Variants in PTGDS observed in about 807,000 individuals in gnomAD.
PTGDS encodes the protein prostaglandin-H2 D-isomerase.
PTGDS carries 21 observed loss-of-function variants against 28.4 expected under a neutral mutation model. The ratio of observed to expected loss-of-function variants is 0.74; its 90% confidence interval spans 0.52 to 1.07. The LOEUF (loss-of-function observed/expected upper bound fraction) is 1.07. Ranked by LOEUF, PTGDS falls within the 50% of genes least tolerant of loss-of-function variation. PTGDS has a pLI of 0.00. For synonymous variants in PTGDS, 102 were observed against 106.0 expected (o/e 0.96, Z 0.23); for missense variants, 243 against 247.7 (o/e 0.98, Z 0.13).
At position 136,979,314 on chromosome 9, in the gene PTGDS, C is replaced by T; in HGVS notation, c.331+15C>T. The T allele has an allele frequency of 6.2e-7, 1 of 1,604,186 alleles. No homozygotes were observed. The highest frequency in any genetic ancestry group is 8.5e-7 in the Non-Finnish European group (1 of 1,175,896). On this transcript the variant is annotated intron_variant, in intron 3 of 6. Coordinates refer to ENST00000371625, the MANE Select transcript of PTGDS (RefSeq NM_000954.6). ...CCGGAGTCCCCGTGAGTGGGGCCTC[C>T]ACCGGCCCCCTGGGCCCAGCCTGGG...
At position 136,980,165 on chromosome 9, in the gene PTGDS, G is replaced by A. The variant is rs773443212; in HGVS notation, c.449-18G>A. 3.6e-5 allele frequency: 58 copies of A among 1,612,984 alleles called. 1 individual carries two copies. The East Asian group carries it at 4.7e-4, about 13-fold the overall frequency. Reference sequence around the variant, plus strand: ...CATCCCCCCCGCTGAGGCCAGCTCCGTCTCCACCCTGTCCCAGGCCGAACC... The same window carrying A: ...CATCCCCCCCGCTGAGGCCAGCTCCATCTCCACCCTGTCCCAGGCCGAACC... On this transcript the variant is annotated intron_variant, in intron 4 of 6. Coordinates refer to ENST00000371625, the MANE Select transcript of PTGDS (RefSeq NM_000954.6).
chr9:136,978,502 C>CAT (rs1830402775), intron 1 of PTGDS, among the ~76,000 whole-genome samples: 1 of 7,662 alleles, frequency 1.3e-4, no homozygotes, highest in Non-Finnish European at 2.5e-4. Context: ...TCTCCTGGGG[C>CAT]GGGGCGTGAG....
At chr9:136,977,777 A>ACTTCGCTCACTCCTCCCAGG in intron 1 of PTGDS, 85 bp downstream of exon 1, 1 of 1,268,256 alleles carries the variant, frequency 7.9e-7, no homozygotes, top group Non-Finnish European at 1.1e-6. Flanking sequence ...TCCCCCTGGG[A>ACTTCGCTCACTCCTCCCAGG]GGAGTGAGCG....
At chr9:136,979,454 A>T in intron 3 of PTGDS, 155 bp downstream of exon 3, 1 of 1,545,550 alleles carries the variant, frequency 6.5e-7, no homozygotes, top group Admixed American at 2.0e-5. Context: ...GGGCGTGACT[A>T]CCCATGCACA....
rs1218373607 is a variant in PTGDS at position 136,977,559 on chromosome 9, A to G, written c.-20A>G. The G allele has an allele frequency of 1.3e-6, 2 of 1,560,436 alleles. No homozygotes were observed. The highest frequency in any genetic ancestry group is 4.6e-5 in the East Asian group (2 of 43,160). ...ACACCACTGGCACCAGGCCCCGGAC[A>G]CCCGCTCTGCTGCAGGAGAATGGCT... On this transcript the variant is annotated 5_prime_UTR_variant, in exon 1 of 7. Coordinates refer to ENST00000371625, the MANE Select transcript of PTGDS (RefSeq NM_000954.6).
rs769704625 is a variant in PTGDS, at chr9:136,979,057, C to T, written c.179C>T (p.Ala60Val). 3.7e-6 allele frequency: 6 copies of T among 1,608,118 alleles called. No individual in the cohort carries two copies. Among genetic ancestry groups the T allele is most frequent in the Non-Finnish European group, 4.2e-6 (5 of 1,177,048 alleles). Reference protein sequence around the residue: ...SNSSWLREKKAALSMCKSVVA... With the variant: ...SNSSWLREKKVALSMCKSVVA... The stretch of plus-strand genomic sequence containing the variant: ...TCGAGCTGGCTCCGGGAGAAGAAGG[C>T]GGCGTTGTCCATGTGCAAGTCTGTG... The change falls in exon 2 of 7, where the codon GCG becomes GTG. Residue 60 changes from alanine (A) to valine (V), a missense_variant. Physicochemically the swap from Ala to Val is moderately conservative, Grantham distance 64. Transcript: ENST00000371625.
At chr9:136,977,752 T>C (rs1830384809) in intron 1 of PTGDS, 60 bp downstream of exon 1, 1 of 1,411,960 alleles carries the variant, frequency 7.1e-7, no homozygotes, top group African/African-American at 1.5e-5. Flanking sequence ...GGAAGGGCAC[T>C]TTCCGGCTGG....
chr9:136,978,543 G>T (rs1205291386), intron 1 of PTGDS, among the ~76,000 whole-genome samples: 1 of 136,594 alleles, frequency 7.3e-6, no homozygotes, highest in Non-Finnish European at 1.6e-5. Context: ...GCGGGGCGGG[G>T]GCCTGATGGG....
chr9:136,980,425 T>TC (rs1830435387), intron 5 of PTGDS, 141 bp downstream of exon 5: 1 of 1,013,566 alleles, frequency 9.9e-7, no homozygotes, highest in Non-Finnish European at 1.4e-6. Flanking sequence ...GGGTGAGTGT[T>TC]CAAGTCAGAA....
intron 6 of PTGDS, chr9:136,981,198 C>A: frequency 3.0e-6 from 1 of 335,788 alleles, no homozygotes; most frequent in Non-Finnish European, 5.4e-6. Context: ...GTGTCTGGCT[C>A]CTGGGCTAGG....
intron 6 of PTGDS, chr9:136,981,150 C>T (rs1830444114): frequency 4.2e-6 from 2 of 480,954 alleles, no homozygotes; most frequent in Non-Finnish European, 7.3e-6. Flanking sequence ...GCAGACAAGG[C>T]CAAGGGGCTA....
chr9:136,980,786 C>T (rs201575800), intron 5 of PTGDS, 47 bp from the exon 6 acceptor site: 1 of 1,613,972 alleles, frequency 6.2e-7, no homozygotes, highest in South Asian at 1.1e-5. Flanking sequence ...GGAAAATTGG[C>T]CTAAGTCTGG....
rs1342396011 is a variant in PTGDS at position 136,979,814 on chromosome 9, C to A, written c.332-132C>A. ...GAGCAGGGCACTGGCTGGAGAGCAG[C>A]CGGGTGGGGGAGCATCCCGGGCCAG... On this transcript the variant is annotated intron_variant, in intron 3 of 6. Transcript: ENST00000371625. 1.2e-5 allele frequency: 10 copies of A among 856,802 alleles called. No homozygotes were observed. In the East Asian group the frequency reaches 2.4e-4, roughly 21 times the overall value. 53.1% of individuals were successfully genotyped at this position (856,802 alleles called of 1,614,324 possible).
rs878856837 is a variant in PTGDS, at chr9:136,980,727, G to A, written c.551-106G>A. 88 of 1,612,538 alleles carry A rather than the reference G, an allele frequency of 5.5e-5. 1 individual carries two copies. The South Asian group carries it at 5.8e-4, about 11-fold the overall frequency. ...GATGGGGGATCTGTGCAGTTTGGGG[G>A]CTCAGTCAAGACGAGCTCTGCGTTA... On this transcript the variant is annotated intron_variant, in intron 5 of 6. Transcript: ENST00000371625.
At chr9:136,979,358 G>A (rs1263955148) in intron 3 of PTGDS, 59 bp downstream of exon 3, 3 of 1,584,938 alleles carry the variant, frequency 1.9e-6, no homozygotes, top group East Asian at 2.2e-5. Flanking sequence ...TTGCCGGGAC[G>A]ACTCTGGGCC....
chr9:136,978,747 T>C (rs1356747428), intron 1 of PTGDS: 2 of 280,410 alleles, frequency 7.1e-6, no homozygotes, highest in Admixed American at 6.3e-5. Context: ...GGGGCGGGGA[T>C]GTGAGGGGCG....
At chr9:136,978,779 ATG>A in intron 1 of PTGDS, 1 of 374,796 alleles carries the variant, frequency 2.7e-6, no homozygotes, top group South Asian at 2.3e-5. Flanking sequence ...TGGGGCGGAG[ATG>A]TGAGGGGCGG....
chr9:136,979,820 G>A (rs1182965991), intron 3 of PTGDS, 126 bp from the exon 4 acceptor site: 2 of 891,936 alleles, frequency 2.2e-6, no homozygotes, highest in African/African-American at 1.6e-5. Flanking sequence ...GCAGCCGGGT[G>A]GGGGAGCATC....
At position 136,979,291 on chromosome 9, in the gene PTGDS, G is replaced by C; in HGVS notation, c.323G>C (p.Arg108Pro). 6.2e-7 allele frequency: 1 copy of C among 1,609,958 alleles called. No individual in the cohort carries two copies. The highest frequency in any genetic ancestry group is 1.7e-4 in the Middle Eastern group (1 of 6,044). Residue 108 changes from arginine (R) to proline (P), a missense_variant, in exon 3 of 7, where the codon CGG becomes CCG. Physicochemically the swap from Arg to Pro is moderately radical, Grantham distance 103. Transcript: ENST00000371625. ...PAGSLGSYSY[R>P]SPHWGSTYSV... ...GGGTCCCTCGGCTCCTACAGCTACC[G>C]GAGTCCCCGTGAGTGGGGCCTCCAC...
Sources: gnomAD v4.1 joint callset for allele counts (sites outside exome capture counted in the v4.1 genomes callset) on GRCh38, gnomAD v4.1.1 for gene constraint, MANE v1.5 for transcripts, NCBI Gene and HGNC (gene_info 2026-07-23, HGNC 2026-07-21) for gene names.